Variants in FOXN2 observed in about 807,000 individuals in gnomAD.
FOXN2 encodes the protein forkhead box N2.
A neutral mutation model predicts 41.2 loss-of-function variants in FOXN2; 19 were observed. The ratio of observed to expected loss-of-function variants is 0.46; its 90% CI spans 0.32 to 0.68. The LOEUF is 0.68. Ranked by LOEUF, FOXN2 falls within the 30% of genes least tolerant of loss-of-function variation. The pLI, the probability that FOXN2 is intolerant of heterozygous loss-of-function variation, is 0.03. For synonymous variants in FOXN2, 195 were observed against 176.8 expected (o/e 1.10, Z -0.82); for missense variants, 587 against 509.4 (o/e 1.15, Z -1.47).
chr2:48,325,739 A>G (rs1325801386), intron 1 of FOXN2, among the ~76,000 whole-genome samples: 2 of 152,062 alleles, frequency 1.3e-5, no homozygotes, highest in Admixed American at 6.6e-5. Flanking sequence ...GTATTAAACC[A>G]TCTCAGGTGT....
chr2:48,347,611 G>C (rs1212128377), intron 3 of FOXN2, among the ~76,000 whole-genome samples: 1 of 151,806 alleles, frequency 6.6e-6, no homozygotes, highest in Non-Finnish European at 1.5e-5. Context: ...ATGTATTTTA[G>C]TGGTTGCTAT....
chr2:48,354,886 A>G (rs1209633236), intron 3 of FOXN2, among the ~76,000 whole-genome samples: 1 of 152,172 alleles, frequency 6.6e-6, no homozygotes, highest in Non-Finnish European at 1.5e-5. Context: ...AAAAGAACAA[A>G]AAATGCTTTT....
At chr2:48,326,157 C>T (rs1239874899) in intron 1 of FOXN2, among the ~76,000 whole-genome samples, 1 of 152,058 alleles carries the variant, frequency 6.6e-6, no homozygotes, top group Non-Finnish European at 1.5e-5. Flanking sequence ...GCCTTCTTCT[C>T]CCAAGATCTC....
intron 3 of FOXN2, among the ~76,000 whole-genome samples, chr2:48,348,020 A>C (rs910027879): frequency 6.6e-6 from 1 of 151,048 alleles, no homozygotes; most frequent in Non-Finnish European, 1.5e-5. Flanking sequence ...CAGTTTGACT[A>C]TAGAGGGCCT....
intron 3 of FOXN2, among the ~76,000 whole-genome samples, chr2:48,355,647 G>T (rs992431927): frequency 1.3e-5 from 2 of 151,918 alleles, no homozygotes; most frequent in Non-Finnish European, 2.9e-5. Flanking sequence ...ATACTTAGTT[G>T]CACTAAATGT....
chr2:48,357,479 G>T lies in FOXN2; in HGVS notation c.538-1568G>T, dbSNP rs1671876634. ...AATTGGCTTTGGGGCAAAAGATGTT[G>T]TAGGTGCTAACATTTTAATTCTTCC... On this transcript the variant is annotated intron_variant, in intron 3 of 6. Coordinates refer to ENST00000340553, the MANE Select transcript of FOXN2 (RefSeq NM_002158.4). 2.6e-5 allele frequency among the ~76,000 whole-genome samples: 4 copies of T among 151,762 alleles called. No individual in the cohort carries two copies. The South Asian group carries it at 8.3e-4, about 32-fold the overall frequency.
At chr2:48,367,986 A>T (rs997061736) in intron 5 of FOXN2, among the ~76,000 whole-genome samples, 1 of 152,084 alleles carries the variant, frequency 6.6e-6, no homozygotes, top group African/African-American at 2.4e-5. Context: ...GGGATTGCAG[A>T]CGCGTATGAC....
In FOXN2 at chr2:48,377,478, T is replaced by A. The variant is rs1673323117; in HGVS notation, c.*2035T>A. 6.6e-6 allele frequency: 1 copy of A among 152,050 alleles called. No individual in the cohort carries two copies. Among genetic ancestry groups the A allele is most frequent in the Admixed American group, 6.6e-5 (1 of 15,254 alleles). 9.4% of individuals were successfully genotyped at this position (152,050 alleles called of 1,614,324 possible). A position where few individuals can be genotyped will look rare whatever the true frequency, so the allele number is the denominator to read the frequency against. The stretch of plus-strand genomic sequence containing the variant: ...TGTATCACAAATGTGCTACCTGGTT[T>A]TTGTCCATTAGATAATTACTCTTTA... On this transcript the variant is annotated 3_prime_UTR_variant, in exon 7 of 7. Transcript: ENST00000340553.
intron 5 of FOXN2, among the ~76,000 whole-genome samples, chr2:48,368,720 A>G (rs1672693795): frequency 3.3e-5 from 5 of 152,212 alleles, no homozygotes; most frequent in African/African-American, 9.6e-5. Flanking sequence ...ACGAAAATAG[A>G]TTGGGTACTA....
chr2:48,320,816 A>G lies in FOXN2; in HGVS notation c.-157+6002A>G, dbSNP rs559962435. ...GAGTAGGGAAGAATACAAGGTAGGG[A>G]GAGAAACTAATATTTATAGAATGCT... is the stretch of plus-strand genomic sequence containing the variant. On this transcript the variant is annotated intron_variant, in intron 1 of 6. Transcript: ENST00000340553. Among the ~76,000 whole-genome samples, 8 of 152,292 alleles carry G rather than the reference A, an allele frequency of 5.3e-5. 1 individual carries two copies. In the South Asian group the frequency reaches 1.7e-3, roughly 32 times the overall value.
chr2:48,354,643 C>T (rs1015382144), intron 3 of FOXN2, among the ~76,000 whole-genome samples: 3 of 152,192 alleles, frequency 2.0e-5, no homozygotes, highest in Admixed American at 6.5e-5. Context: ...TAACAACTGG[C>T]TAGGGACAGG....
intron 2 of FOXN2, among the ~76,000 whole-genome samples, chr2:48,342,701 C>T (rs1670854347): frequency 6.6e-6 from 1 of 152,116 alleles, no homozygotes; most frequent in African/African-American, 2.4e-5. Context: ...ACGGTCATAG[C>T]ACCCTGAACA....
intron 5 of FOXN2, among the ~76,000 whole-genome samples, chr2:48,367,417 G>T (rs745992006): frequency 6.6e-6 from 1 of 152,192 alleles, no homozygotes; most frequent in Non-Finnish European, 1.5e-5. Flanking sequence ...AGTTGATGGT[G>T]ATGTTAGGGC....
At chr2:48,350,978 T>TC (rs1213482726) in intron 3 of FOXN2, among the ~76,000 whole-genome samples, 1 of 152,168 alleles carries the variant, frequency 6.6e-6, no homozygotes, top group Non-Finnish European at 1.5e-5. Context: ...TTATTTTTTT[T>TC]ATTTTGAGAT....
At chr2:48,319,294 TAATC>T (rs1190202630) in intron 1 of FOXN2, among the ~76,000 whole-genome samples, 1 of 152,084 alleles carries the variant, frequency 6.6e-6, no homozygotes, top group Non-Finnish European at 1.5e-5. Flanking sequence ...TAAAAAACAT[TAATC>T]AAAGTTTTCA....
At chr2:48,337,686 A>G (rs545825863) in intron 2 of FOXN2, among the ~76,000 whole-genome samples, 147 of 152,286 alleles carry the variant, frequency 9.7e-4, no homozygotes, top group Middle Eastern at 3.4e-3. Context: ...CCTGACTAAT[A>G]TTAATGGAAA....
At chr2:48,358,895 C>G (rs57893565) in intron 3 of FOXN2, 152 bp from the exon 4 acceptor site, 192,642 of 567,058 alleles carry the variant, frequency 0.34, 34,588 homozygotes, top group East Asian at 0.45. Context: ...CTTTTAGTCA[C>G]TACAGTGCAC....
Position 48,378,961 on chromosome 2 carries a change from A to G in FOXN2, c.*3518A>G, listed in dbSNP as rs1415958031. 1.3e-5 allele frequency: 2 copies of G among 152,604 alleles called. No individual in the cohort carries two copies. The highest frequency in any genetic ancestry group is 6.5e-5 in the Admixed American group (1 of 15,274). 9.5% of individuals were successfully genotyped at this position (152,604 alleles called of 1,614,324 possible). ...CATCATATAGTGTATAAAAATGTAT[A>G]ATTGCCAATTGATTGTAACTATTAT... is the stretch of plus-strand genomic sequence containing the variant. On this transcript the variant is annotated 3_prime_UTR_variant, in exon 7 of 7. Transcript: ENST00000340553.
chr2:48,353,028 T>C (rs2104417108), intron 3 of FOXN2, among the ~76,000 whole-genome samples: 1 of 152,312 alleles, frequency 6.6e-6, no homozygotes, highest in South Asian at 2.1e-4. Context: ...GGAGTCAGCA[T>C]GAAGGATTGG....
Sources: allele counts gnomAD v4.1 joint callset (sites outside exome capture counted in the v4.1 genomes callset), GRCh38; gene constraint gnomAD v4.1.1; transcripts MANE v1.5; gene names NCBI Gene and HGNC (gene_info 2026-07-23, HGNC 2026-07-21).